The following FAR1 variants were observed in gnomAD, a reference collection of about 807,000 sequenced individuals.
The protein encoded by FAR1 is male sterility domain-containing protein 2.
Under a neutral mutation model 61.1 loss-of-function variants are expected in FAR1, and 22 were observed. The ratio of observed to expected loss-of-function variants is 0.36; its 90% confidence interval spans 0.26 to 0.51. The LOEUF (loss-of-function observed/expected upper bound fraction) is 0.51. Ranked by LOEUF, FAR1 falls within the 20% of genes least tolerant of loss-of-function variation. The pLI is 0.95. For synonymous variants in FAR1, 206 were observed against 209.7 expected, an observed-to-expected ratio of 0.98 and a Z score of 0.15; for missense variants, 359 against 626.9, an observed-to-expected ratio of 0.57 and a Z score of 4.56.
rs1198117548 is a variant in FAR1, at chr11:13,669,033, ACCGCGTGGGGGACGTACGGTGGGG to A, written c.-8+230_-8+253del. Among the ~76,000 whole-genome samples the A allele has an allele frequency of 5.9e-5, 9 of 152,042 alleles. No individual in the cohort carries two copies. The East Asian group carries it at 1.8e-3, about 30-fold the overall frequency. The stretch of plus-strand genomic sequence containing the variant: ...CGCCGCCGCCCTTCACAGGGCCGGG[ACCGCGTGGGGGACGTACGGTGGGG>A]CCTGGTTTGCAGCCGCGGAGCCCGG... On this transcript the variant is annotated intron_variant, in intron 1 of 11. Coordinates refer to ENST00000354817, the MANE Select transcript of FAR1 (RefSeq NM_032228.6).
intron 1 of FAR1, among the ~76,000 whole-genome samples, chr11:13,683,197 A>T (rs1405586650): frequency 6.6e-6 from 1 of 152,156 alleles, no homozygotes; most frequent in African/African-American, 2.4e-5. Context: ...GTTGGAGACC[A>T]GCCTGGCCAA....
chr11:13,675,925 C>A (rs1354528310), intron 1 of FAR1, among the ~76,000 whole-genome samples: 1 of 152,082 alleles, frequency 6.6e-6, no homozygotes, highest in Non-Finnish European at 1.5e-5. Flanking sequence ...AAAGTATATT[C>A]CCTAATGCAG....
chr11:13,716,811 C>G (rs1273134514), intron 9 of FAR1, among the ~76,000 whole-genome samples: 1 of 152,014 alleles, frequency 6.6e-6, no homozygotes, highest in East Asian at 1.9e-4. Context: ...TTTAAAAATA[C>G]TTCAAGTTCT....
chr11:13,728,249 T>C (rs1269375975), intron 11 of FAR1, among the ~76,000 whole-genome samples: 1 of 151,896 alleles, frequency 6.6e-6, no homozygotes, highest in Non-Finnish European at 1.5e-5. Context: ...GTTAATGCCA[T>C]GTTTTATGCT....
At position 13,677,926 on chromosome 11, in the gene FAR1, G is replaced by T. The variant is rs547826513; in HGVS notation, c.-8+9120G>T. On this transcript the variant is annotated intron_variant, in intron 1 of 11. Transcript: ENST00000354817. ...GAATTGTATCAATATATTCTCTACA[G>T]TTATAATAAAATAACCAAAAACTAA... 3.9e-5 allele frequency among the ~76,000 whole-genome samples: 6 copies of T among 152,280 alleles called. No homozygotes were observed. In the South Asian group the frequency reaches 1.0e-3, roughly 26 times the overall value.
intron 1 of FAR1, among the ~76,000 whole-genome samples, chr11:13,690,285 T>G (rs1476257971): frequency 6.6e-6 from 1 of 152,218 alleles, no homozygotes; most frequent in Non-Finnish European, 1.5e-5. Flanking sequence ...TACATATTTA[T>G]GTATTCTAGA....
chr11:13,703,163 T>C (rs1318033272), intron 3 of FAR1, among the ~76,000 whole-genome samples: 2 of 151,810 alleles, frequency 1.3e-5, no homozygotes, highest in African/African-American at 2.4e-5. Flanking sequence ...TATGAAAGAA[T>C]TACTGTTTGT....
In FAR1 at chr11:13,711,985, G is replaced by C. The variant is rs1848504163; in HGVS notation, c.826G>C (p.Val276Leu). 2 of 1,613,276 alleles carry C rather than the reference G, an allele frequency of 1.2e-6. No individual in the cohort carries two copies. The highest frequency in any genetic ancestry group is 1.7e-6 in the Non-Finnish European group (2 of 1,179,538). The change falls in exon 7 of 12, where the codon GTT (valine) becomes CTT (leucine). Residue 276 changes from valine (V) to leucine (L), a missense_variant. By Grantham distance (32) the Val-to-Leu change is conservative. Around this residue, in one of 2 missense-constraint regions of FAR1, gnomAD observed 344 missense variants for 570.3 expected, o/e 0.60. Coordinates refer to ENST00000354817, the MANE Select transcript of FAR1 (RefSeq NM_032228.6). ...RASNNALADL[V>L]PVDVVVNMSL... ...CTCCAACAATGCCCTTGCAGATCTT[G>C]TTCCTGTAGATGTAGTTGTCAACAT...
At chr11:13,688,718 T>C (rs2134175630) in intron 1 of FAR1, among the ~76,000 whole-genome samples, 1 of 152,352 alleles carries the variant, frequency 6.6e-6, no homozygotes, top group Middle Eastern at 3.4e-3. Flanking sequence ...TACTATTTAA[T>C]ATATATTGAG....
At chr11:13,724,975 A>T (rs1848654131) in intron 10 of FAR1, among the ~76,000 whole-genome samples, 1 of 152,158 alleles carries the variant, frequency 6.6e-6, no homozygotes, top group Non-Finnish European at 1.5e-5. Context: ...TAATGCACCT[A>T]ATCACTACCT....
rs545020290 is a variant in FAR1 at position 13,669,091 on chromosome 11, C to T, written c.-8+285C>T. On this transcript the variant is annotated intron_variant, in intron 1 of 11. Coordinates refer to ENST00000354817, the MANE Select transcript of FAR1 (RefSeq NM_032228.6). ...GCAGCCGCGGAGCCCGGGGAGCCGC[C>T]TGGGGTGGGAGGCCGCTAGAGGTGG... Among the ~76,000 whole-genome samples, 427 of 152,200 alleles carry T rather than the reference C, an allele frequency of 2.8e-3. 1 individual carries two copies. The highest frequency in any genetic ancestry group is 9.7e-3 in the African/African-American group (403 of 41,558).
chr11:13,704,064 A>G (rs1591264953), intron 3 of FAR1, among the ~76,000 whole-genome samples: 1 of 145,136 alleles, frequency 6.9e-6, no homozygotes, highest in African/African-American at 2.5e-5. Flanking sequence ...AAAAAAAAAA[A>G]GTGAGAGGAG....
rs767582509 is a variant in FAR1, at chr11:13,727,631, G to A, written c.1333G>A (p.Val445Ile). ...ENYCLGTKKY[V>I]LNEEMSGLPA... ...CTACTGCTTGGGAACTAAGAAGTACGTATTGAATGAAGAAATGTCTGGCCT... is the reference window on the plus strand; with the variant it reads ...CTACTGCTTGGGAACTAAGAAGTACATATTGAATGAAGAAATGTCTGGCCT... The change falls in exon 11 of 12, where the codon GTA becomes ATA. Residue 445 changes from valine (V) to isoleucine (I), a missense_variant. Physicochemically the swap from Val to Ile is conservative, Grantham distance 29 (BLOSUM62 3). Around this residue, in one of 2 missense-constraint regions of FAR1, gnomAD observed 344 missense variants for 570.3 expected, o/e 0.60. Transcript: ENST00000354817. 6 of 1,610,158 alleles carry A rather than the reference G, an allele frequency of 3.7e-6. No homozygotes were observed. The highest frequency in any genetic ancestry group is 5.1e-6 in the Non-Finnish European group (6 of 1,177,500).
chr11:13,704,985 C>T (rs948007946), intron 3 of FAR1, among the ~76,000 whole-genome samples: 24 of 152,096 alleles, frequency 1.6e-4, no homozygotes, highest in Non-Finnish European at 3.4e-4. Context: ...GTATTATCAA[C>T]ATAGATTTCT....
chr11:13,710,188 A>G (rs1329982313), intron 4 of FAR1, among the ~76,000 whole-genome samples: 1 of 152,084 alleles, frequency 6.6e-6, no homozygotes, highest in African/African-American at 2.4e-5. Flanking sequence ...ATAACTGTAT[A>G]TAATTAACAT....
chr11:13,722,261 C>G (rs546084058), intron 10 of FAR1, among the ~76,000 whole-genome samples: 77 of 152,022 alleles, frequency 5.1e-4, no homozygotes, highest in African/African-American at 1.7e-3. Flanking sequence ...CCCTTTGTTA[C>G]TTTGGAACTT....
Position 13,731,006 on chromosome 11 carries a change from TTC to T in FAR1, c.*2234_*2235del, listed in dbSNP as rs1848719560. The T allele has an allele frequency of 6.6e-6, 1 of 152,176 alleles. No individual in the cohort carries two copies. Among genetic ancestry groups the T allele is most frequent in the Admixed American group, 6.5e-5 (1 of 15,272 alleles). The allele number at this position is 152,176 out of a possible 1,614,324, so 9.4% of individuals were successfully genotyped here. ...GTCATTTACTAGACGTGATTTTTAG[TTC>T]TGTTTGATTATATTTCCTACACAAA... On this transcript the variant is annotated 3_prime_UTR_variant, in exon 12 of 12. Transcript: ENST00000354817.
At chr11:13,672,388 CAAAAAAA>C (rs34030723) in intron 1 of FAR1, among the ~76,000 whole-genome samples, 2 of 128,858 alleles carry the variant, frequency 1.6e-5, no homozygotes, top group Admixed American at 1.6e-4. Context: ...CTTTTCTATC[CAAAAAAA>C]AAAAAAAAAT....
intron 1 of FAR1, among the ~76,000 whole-genome samples, chr11:13,673,229 G>A (rs571776202): frequency 6.6e-6 from 1 of 152,330 alleles, no homozygotes; most frequent in East Asian, 1.9e-4. Flanking sequence ...TAAACAGAGA[G>A]GAAAGAGTTG....
Sources: allele counts gnomAD v4.1 joint callset (sites outside exome capture counted in the v4.1 genomes callset), GRCh38; gene constraint gnomAD v4.1.1; regional missense constraint gnomAD v4.1.1; transcripts MANE v1.5; gene names NCBI Gene and HGNC (gene_info 2026-07-23, HGNC 2026-07-21).